Variants in ASIC2 observed in about 807,000 individuals in gnomAD.
ASIC2 encodes the protein acid sensing ion channel subunit 2.
Under a neutral mutation model 57.3 loss-of-function variants are expected in ASIC2, and 25 were observed. The ratio of observed to expected loss-of-function variants is 0.44; its 90% CI spans 0.32 to 0.61. The LOEUF (loss-of-function observed/expected upper bound fraction) is 0.61, where lower values mean the gene tolerates loss of function less well. Among genes scored for constraint, ASIC2 ranks in the 20% least tolerant of loss-of-function variants. The pLI is 0.06. For synonymous variants in ASIC2, 319 were observed against 307.5 expected (o/e 1.04, Z -0.39); for missense variants, 641 against 738.1 (o/e 0.87, Z 1.52).
At chr17:33,948,227 C>A (rs1052430316) in intron 1 of ASIC2, among the ~76,000 whole-genome samples, 1 of 152,180 alleles carries the variant, frequency 6.6e-6, no homozygotes, top group Non-Finnish European at 1.5e-5. Context: ...CTGTCTCCAG[C>A]CTGCTTTACC....
At chr17:33,369,432 C>T (rs1248336251) in intron 1 of ASIC2, among the ~76,000 whole-genome samples, 1 of 152,174 alleles carries the variant, frequency 6.6e-6, no homozygotes. Context: ...TGACAAGTCA[C>T]TTTACTTTTT....
chr17:33,641,525 C>T (rs11650218), intron 1 of ASIC2, among the ~76,000 whole-genome samples: 7,261 of 152,310 alleles, frequency 0.048, 202 homozygotes, highest in South Asian at 0.12. Flanking sequence ...AGCCACACAG[C>T]ACCCAGAACT....
At chr17:33,203,892 G>A (rs1013286604) in intron 1 of ASIC2, among the ~76,000 whole-genome samples, 6 of 152,224 alleles carry the variant, frequency 3.9e-5, no homozygotes, top group African/African-American at 1.4e-4. Context: ...AGTTAGGGGA[G>A]AAGGTTATTA....
chr17:33,991,198 G>A (rs1597965092), intron 1 of ASIC2, among the ~76,000 whole-genome samples: 1 of 152,200 alleles, frequency 6.6e-6, no homozygotes, highest in Non-Finnish European at 1.5e-5. Context: ...TGAGTCTTGA[G>A]TAGCCACTGA....
rs1271511735 is a variant in ASIC2 at position 34,156,009 on chromosome 17, C to T, written c.524G>A (p.Gly175Glu). The stretch of plus-strand genomic sequence containing the variant: ...GAAGTCTTGGTGGCCGCACTCCTGC[C>T]CTTTGAACTTGCAGTAGAGCATCAT... Residue 175 changes from glycine to glutamate, a missense_variant, in exon 1 of 10, where the codon GGG (glycine) becomes GAG (glutamate). Physicochemically the swap from Gly to Glu is moderately conservative, Grantham distance 98 (BLOSUM62 -2). Transcript: ENST00000359872. The surrounding 1 kb of genome is among the most constrained non-coding windows in gnomAD (Gnocchi z 4.4). The T allele has an allele frequency of 1.9e-6, 3 of 1,612,732 alleles. No homozygotes were observed. Among genetic ancestry groups the T allele is most frequent in the Non-Finnish European group, 2.5e-6 (3 of 1,179,396 alleles).
At chr17:34,069,217 C>T (rs1440415152) in intron 1 of ASIC2, 2 of 133,392 alleles carry the variant, frequency 1.5e-5, no homozygotes, top group Non-Finnish European at 3.1e-5. Context: ...TCCCTCTCTT[C>T]CTTTCCCTCC....
intron 3 of ASIC2, among the ~76,000 whole-genome samples, chr17:33,030,302 C>A (rs1334505184): frequency 6.6e-6 from 1 of 152,142 alleles, no homozygotes; most frequent in East Asian, 1.9e-4. Flanking sequence ...AGGCAACCCC[C>A]AATATGCTTT....
chr17:33,726,021 C>T (rs1909548973), intron 1 of ASIC2, among the ~76,000 whole-genome samples: 1 of 152,218 alleles, frequency 6.6e-6, no homozygotes, highest in Non-Finnish European at 1.5e-5. Context: ...AGATGGCCTC[C>T]ACTGAGCTGC....
chr17:33,198,981 A>C (rs1906749934), intron 1 of ASIC2, among the ~76,000 whole-genome samples: 2 of 152,170 alleles, frequency 1.3e-5, no homozygotes, highest in Non-Finnish European at 2.9e-5. Flanking sequence ...TCTGTCATTA[A>C]ACAGCCTTCT....
chr17:33,965,332 T>A (rs1331899002), intron 1 of ASIC2, among the ~76,000 whole-genome samples: 1 of 152,002 alleles, frequency 6.6e-6, no homozygotes, highest in Non-Finnish European at 1.5e-5. Flanking sequence ...CCACTGTGGA[T>A]TTTTTTTCTT....
chr17:33,372,128 T>A (rs1477614245), intron 1 of ASIC2, among the ~76,000 whole-genome samples: 2 of 152,124 alleles, frequency 1.3e-5, no homozygotes, highest in Admixed American at 1.3e-4. Flanking sequence ...GCATAGGGGC[T>A]GAGCCAGCTC....
intron 1 of ASIC2, among the ~76,000 whole-genome samples, chr17:33,307,134 C>T (rs997867716): frequency 2.6e-5 from 4 of 152,178 alleles, no homozygotes; most frequent in Non-Finnish European, 5.9e-5. Flanking sequence ...AAGCCTCTTG[C>T]TTTCCCAACT....
At chr17:33,846,671 C>T (rs1913613906) in intron 1 of ASIC2, among the ~76,000 whole-genome samples, 1 of 152,158 alleles carries the variant, frequency 6.6e-6, no homozygotes, top group Middle Eastern at 3.2e-3. Context: ...CACAATAACA[C>T]CGTCTACTTC....
intron 1 of ASIC2, among the ~76,000 whole-genome samples, chr17:33,154,389 C>T (rs1017177470): frequency 6.6e-6 from 1 of 152,172 alleles, no homozygotes; most frequent in Non-Finnish European, 1.5e-5. Flanking sequence ...CAAATTATTT[C>T]ATTCTTTAAA....
At chr17:33,507,296 C>A (rs899303298) in intron 1 of ASIC2, among the ~76,000 whole-genome samples, 1 of 152,220 alleles carries the variant, frequency 6.6e-6, no homozygotes, top group Non-Finnish European at 1.5e-5. Flanking sequence ...AGACTCTATG[C>A]TGAGATACAG....
chr17:33,940,583 G>T (rs994616755), intron 1 of ASIC2, among the ~76,000 whole-genome samples: 1 of 151,150 alleles, frequency 6.6e-6, no homozygotes, highest in Non-Finnish European at 1.5e-5. Flanking sequence ...ACATTAAATT[G>T]AACACAACAA....
At position 33,813,819 on chromosome 17, in the gene ASIC2, A is replaced by AT. The variant is rs927436830; in HGVS notation, c.555+342158dup. On this transcript the variant is annotated intron_variant, in intron 1 of 9. Coordinates refer to the ASIC2 transcript ENST00000359872. Reference sequence around the variant, plus strand: ...TGAAAGATAATTTGGCATGCTTTACATTTTTTTGTTTTCAAGAATAGTTGC... The same window carrying AT: ...TGAAAGATAATTTGGCATGCTTTACATTTTTTTTGTTTTCAAGAATAGTTGC... Among the ~76,000 whole-genome samples, 5 of 151,790 alleles carry AT rather than the reference A, an allele frequency of 3.3e-5. No homozygotes were observed. In the South Asian group the frequency reaches 8.3e-4, roughly 25 times the overall value.
chr17:33,699,445 G>A (rs1304839674), intron 1 of ASIC2, among the ~76,000 whole-genome samples: 4 of 152,194 alleles, frequency 2.6e-5, no homozygotes, highest in Non-Finnish European at 5.9e-5. Context: ...GACGACTTTG[G>A]GAATCCATTA....
At chr17:33,600,621 T>C (rs1363700679) in intron 1 of ASIC2, among the ~76,000 whole-genome samples, 1 of 151,246 alleles carries the variant, frequency 6.6e-6, no homozygotes, top group Non-Finnish European at 1.5e-5. Flanking sequence ...GAGGTGGCAA[T>C]TTTTTTTAAT....
Sources: gnomAD v4.1 joint callset for allele counts (sites outside exome capture counted in the v4.1 genomes callset) on GRCh38, gnomAD v4.1.1 for gene constraint, Gnocchi (gnomAD v3.1) non-coding constraint, MANE v1.5 for transcripts, NCBI Gene and HGNC (gene_info 2026-07-23, HGNC 2026-07-21) for gene names.